GNB4: variants seen among roughly 807,000 people sequenced by gnomAD.
GNB4 encodes G protein subunit beta 4.
Under a neutral mutation model 45.2 loss-of-function variants are expected in GNB4, and 28 were observed. That is an observed-to-expected ratio of 0.62 (90% confidence interval 0.46 to 0.85). GNB4 has a LOEUF of 0.85. Among genes scored for constraint, GNB4 ranks in the 40% least tolerant of loss-of-function variants. GNB4 has a pLI of 0.00. For synonymous variants in GNB4, 132 were observed against 143.7 expected, an observed-to-expected ratio of 0.92 and a Z score of 0.58; for missense variants, 321 against 425.4, an observed-to-expected ratio of 0.75 and a Z score of 2.16.
chr3:179,419,623 G>A, intron 3 of GNB4, 118 bp from the exon 4 acceptor site: 2 of 687,724 alleles, frequency 2.9e-6, no homozygotes, highest in South Asian at 1.7e-5. Flanking sequence ...AGTAACTGAA[G>A]GTAATTTAAT....
intron 1 of GNB4, among the ~76,000 whole-genome samples, chr3:179,432,746 G>C (rs1715342594): frequency 1.3e-5 from 2 of 152,146 alleles, no homozygotes; most frequent in African/African-American, 4.8e-5. Context: ...GTAAATTCAG[G>C]GAAGGGCAGG....
At chr3:179,470,188 C>G in the GNB4 span, among the ~76,000 whole-genome samples, 4 of 152,150 alleles carry the variant, frequency 2.6e-5, no homozygotes, top group African/African-American at 9.7e-5. Context: ...CTACACTATA[C>G]TTTTTATTGT....
intron 1 of GNB4, among the ~76,000 whole-genome samples, chr3:179,430,855 T>A (rs1358436116): frequency 6.6e-6 from 1 of 152,278 alleles, no homozygotes; most frequent in Admixed American, 6.5e-5. Context: ...TTTTTATTTA[T>A]AAAATGTTCT....
At chr3:179,518,390 G>A in the GNB4 span, among the ~76,000 whole-genome samples, 24 of 151,934 alleles carry the variant, frequency 1.6e-4, no homozygotes, top group African/African-American at 4.3e-4. Context: ...AATGCAACTC[G>A]TCCCAAATCT....
intron 8 of GNB4, 32 bp downstream of exon 8, chr3:179,413,380 A>C: frequency 6.4e-7 from 1 of 1,565,962 alleles, no homozygotes; most frequent in Non-Finnish European, 8.8e-7. Flanking sequence ...TAAATGCATA[A>C]TAAATTTTCT....
chr3:179,496,495 A>C, the GNB4 span, among the ~76,000 whole-genome samples: 1 of 152,200 alleles, frequency 6.6e-6, no homozygotes, highest in Non-Finnish European at 1.5e-5. Context: ...CTTACTCATC[A>C]ACAATTATTT....
intron 1 of GNB4, among the ~76,000 whole-genome samples, chr3:179,449,537 G>A (rs1715817364): frequency 6.6e-6 from 1 of 152,158 alleles, no homozygotes; most frequent in Non-Finnish European, 1.5e-5. Flanking sequence ...TGGAAACAGA[G>A]GGGTCTTGCT....
In GNB4 at chr3:179,399,974, C is replaced by T. The variant is rs1442586648; in HGVS notation, c.*1239G>A. The T allele has an allele frequency of 1.3e-5, 2 of 152,186 alleles. No homozygotes were observed. The highest frequency in any genetic ancestry group is 2.9e-5 in the Non-Finnish European group (2 of 68,034). 9.4% of individuals were successfully genotyped at this position (152,186 alleles called of 1,614,324 possible). ...ACCACAGAAAAACTGTTTAATATAG[C>T]TCTCTAACTCCTTTAAGAACTGCTT... On this transcript the variant is annotated 3_prime_UTR_variant, in exon 10 of 10. Transcript: ENST00000232564.
intron 8 of GNB4, among the ~76,000 whole-genome samples, chr3:179,409,113 A>G (rs1714566775): frequency 7.4e-6 from 1 of 136,040 alleles, no homozygotes; most frequent in Admixed American, 8.2e-5. Context: ...CCTGGGTGAC[A>G]GTGAAACCCA....
the GNB4 span, among the ~76,000 whole-genome samples, chr3:179,489,741 A>G: frequency 1.3e-5 from 2 of 152,070 alleles, no homozygotes; most frequent in Non-Finnish European, 2.9e-5. Context: ...ATTAACATTT[A>G]TTTTCTACCT....
chr3:179,508,158 CT>C, the GNB4 span, among the ~76,000 whole-genome samples: 1 of 152,140 alleles, frequency 6.6e-6, no homozygotes, highest in Non-Finnish European at 1.5e-5. Context: ...TTTTTATTAA[CT>C]TTTTAAAAAT....
At chr3:179,525,120 A>G in the GNB4 span, among the ~76,000 whole-genome samples, 1 of 152,318 alleles carries the variant, frequency 6.6e-6, no homozygotes, top group South Asian at 2.1e-4. Flanking sequence ...GGTGAGTCGC[A>G]TTAGGAGCAG....
chr3:179,454,733 G>A (rs146728617), upstream of GNB4, among the ~76,000 whole-genome samples: 9 of 152,186 alleles, frequency 5.9e-5, no homozygotes, highest in East Asian at 1.4e-3. Context: ...TTTCAGTACC[G>A]CCCTGTATGT....
Position 179,398,878 on chromosome 3 carries a change from T to C in GNB4, c.*2335A>G, listed in dbSNP as rs1340602577. 1 of 152,220 alleles carries C rather than the reference T, an allele frequency of 6.6e-6. No individual in the cohort carries two copies. 9.4% of individuals were successfully genotyped at this position (152,220 alleles called of 1,614,324 possible). On this transcript the variant is annotated 3_prime_UTR_variant, in exon 10 of 10. Coordinates refer to ENST00000232564, the MANE Select transcript of GNB4 (RefSeq NM_021629.4). ...CCGAGTAAATATTTAATTATGGGAA[T>C]TGCTTTAAACTCCTCTTCATAAACT...
chr3:179,481,340 G>T, the GNB4 span, among the ~76,000 whole-genome samples: 1 of 150,690 alleles, frequency 6.6e-6, no homozygotes. Context: ...TTGAGACAGG[G>T]TCACTGTCAC....
chr3:179,419,673 C>G (rs1009994460), intron 3 of GNB4, among the ~76,000 whole-genome samples, 168 bp from the exon 4 acceptor site: 1 of 151,992 alleles, frequency 6.6e-6, no homozygotes, highest in Admixed American at 6.6e-5. Flanking sequence ...TCAATATGTT[C>G]CTGAAAATTA....
rs548096937 is a variant in GNB4, at chr3:179,400,902, G to A, written c.*311C>T. ...TCTTAAAAAATGCAAACACAATGGC[G>A]AGCTGCTATAATGTGTACATTCTGT... On this transcript the variant is annotated 3_prime_UTR_variant, in exon 10 of 10. Transcript: ENST00000232564. The A allele has an allele frequency of 5.6e-5, 12 of 214,710 alleles. No homozygotes were observed. Among genetic ancestry groups the A allele is most frequent in the South Asian group, 3.6e-4 (2 of 5,510 alleles). The allele number at this position is 214,710 out of a possible 1,614,324, so 13.3% of individuals were successfully genotyped here.
At chr3:179,458,841 A>C in the GNB4 span, among the ~76,000 whole-genome samples, 824 of 152,342 alleles carry the variant, frequency 5.4e-3, 10 homozygotes, top group African/African-American at 0.019. Context: ...AAGGCTAACT[A>C]TATCTGAAAA....
At chr3:179,506,338 CA>C in the GNB4 span, among the ~76,000 whole-genome samples, 1 of 149,746 alleles carries the variant, frequency 6.7e-6, no homozygotes, top group East Asian at 2.0e-4. Context: ...ACCCTGTCTC[CA>C]AAAAAAGAAA....
Sources: allele counts gnomAD v4.1 joint callset (sites outside exome capture counted in the v4.1 genomes callset), GRCh38; gene constraint gnomAD v4.1.1; transcripts MANE v1.5; gene names NCBI Gene and HGNC (gene_info 2026-07-23, HGNC 2026-07-21).